Variants in CPQ observed in about 807,000 individuals in gnomAD.
CPQ encodes Ser-Met dipeptidase.
CPQ carries 37 observed loss-of-function variants against 45.7 expected under a neutral mutation model. The ratio of observed to expected loss-of-function variants is 0.81; its 90% confidence interval spans 0.62 to 1.07. CPQ has a LOEUF of 1.07. Ranked by LOEUF, CPQ falls within the 50% of genes least tolerant of loss-of-function variation. The pLI, the probability that CPQ is intolerant of heterozygous loss-of-function variation, is 0.00. For missense variants in CPQ, 537 were observed against 572.9 expected (o/e 0.94, Z 0.64); for synonymous variants, 186 against 205.8 (o/e 0.90, Z 0.82).
chr8:96,853,837 G>C (rs1159310226), intron 3 of CPQ, among the ~76,000 whole-genome samples: 1 of 152,064 alleles, frequency 6.6e-6, no homozygotes, highest in African/African-American at 2.4e-5. Context: ...CTGGTATTAG[G>C]ATTCCCATAG....
At position 96,880,576 on chromosome 8, in the gene CPQ, T is replaced by TATATATATATACATAC. The variant is rs1359946797; in HGVS notation, c.849+572_849+573insTATATATATACATACA. Among the ~76,000 whole-genome samples the TATATATATATACATAC allele has an allele frequency of 7.2e-5, 6 of 83,136 alleles. 1 individual carries two copies. The highest frequency in any genetic ancestry group is 1.2e-4 in the Non-Finnish European group (5 of 40,570). 54.5% of individuals were successfully genotyped at this position (83,136 alleles called of 152,430 possible). ...ATATATATATATATATATATATATA[T>TATATATATATACATAC]ACCATGGAATACTACCCAGCCATAG... On this transcript the variant is annotated intron_variant, in intron 4 of 7. Coordinates refer to ENST00000220763, the MANE Select transcript of CPQ (RefSeq NM_016134.4).
At chr8:96,682,196 C>T (rs1046829803) in intron 1 of CPQ, among the ~76,000 whole-genome samples, 6 of 152,114 alleles carry the variant, frequency 3.9e-5, no homozygotes, top group African/African-American at 7.2e-5. Flanking sequence ...TGGCTGTGTT[C>T]CCCACCCAAA....
intron 1 of CPQ, among the ~76,000 whole-genome samples, chr8:96,687,207 T>C (rs1184111806): frequency 1.3e-5 from 2 of 150,750 alleles, no homozygotes; most frequent in Non-Finnish European, 3.0e-5. Context: ...TCTTTTCTTT[T>C]TTTCTTTTTC....
At chr8:96,718,024 T>C (rs1809707228) in intron 1 of CPQ, among the ~76,000 whole-genome samples, 2 of 152,162 alleles carry the variant, frequency 1.3e-5, no homozygotes, top group Non-Finnish European at 2.9e-5. Flanking sequence ...GACTCAAAAC[T>C]TCCCCAGGCC....
chr8:96,992,643 G>A (rs1458217853), intron 5 of CPQ, among the ~76,000 whole-genome samples: 4 of 152,124 alleles, frequency 2.6e-5, no homozygotes, highest in Admixed American at 2.6e-4. Context: ...GAATCAGTCA[G>A]AAAATGTATG....
chr8:96,765,814 A>G lies in CPQ; in HGVS notation c.-34-19050A>G, dbSNP rs111725799. On this transcript the variant is annotated intron_variant, in intron 1 of 7. Transcript: ENST00000220763. ...TGGCCCCCCCATTCATCAAGCACAC[A>G]TAGGCCAGGCAATGCATTTAGCACT... is the stretch of plus-strand genomic sequence containing the variant. Among the ~76,000 whole-genome samples, 178 of 152,308 alleles carry G rather than the reference A, an allele frequency of 1.2e-3. 1 individual carries two copies. Among genetic ancestry groups the G allele is most frequent in the African/African-American group, 3.4e-3 (142 of 41,588 alleles).
At chr8:96,728,182 C>T (rs1809868383) in intron 1 of CPQ, among the ~76,000 whole-genome samples, 1 of 152,312 alleles carries the variant, frequency 6.6e-6, no homozygotes, top group East Asian at 1.9e-4. Context: ...CTTTCTCTCA[C>T]TGCTTGCCTT....
At chr8:97,080,790 A>C (rs1810933068) in intron 7 of CPQ, among the ~76,000 whole-genome samples, 1 of 152,174 alleles carries the variant, frequency 6.6e-6, no homozygotes, top group African/African-American at 2.4e-5. Context: ...TAATCTATAA[A>C]TCAAATATGG....
At chr8:97,130,629 A>C (rs1426888339) in intron 7 of CPQ, among the ~76,000 whole-genome samples, 1 of 152,114 alleles carries the variant, frequency 6.6e-6, no homozygotes, top group Non-Finnish European at 1.5e-5. Context: ...TTAAATGCTA[A>C]ATTTACCTCT....
intron 4 of CPQ, among the ~76,000 whole-genome samples, chr8:96,927,469 C>G (rs1426942272): frequency 6.6e-6 from 1 of 152,060 alleles, no homozygotes; most frequent in Non-Finnish European, 1.5e-5. Flanking sequence ...CATACCTTTC[C>G]AAGGCAAGGA....
At chr8:96,742,431 T>C (rs907531969) in intron 1 of CPQ, among the ~76,000 whole-genome samples, 21 of 152,330 alleles carry the variant, frequency 1.4e-4, no homozygotes, top group African/African-American at 3.4e-4. Flanking sequence ...CTTTATCCAA[T>C]TTGCCAGTCT....
At chr8:96,984,064 TCTC>T (rs1009014240) in intron 5 of CPQ, among the ~76,000 whole-genome samples, 4 of 152,138 alleles carry the variant, frequency 2.6e-5, no homozygotes, top group African/African-American at 7.2e-5. Flanking sequence ...TCTTACCCTC[TCTC>T]CTCATTTTCT....
rs1240647946 is a variant in CPQ, at chr8:97,123,163, A to AAAAT, written c.1256-19853_1256-19850dup. Among the ~76,000 whole-genome samples, 385 of 123,278 alleles carry AAAAT rather than the reference A, an allele frequency of 3.1e-3. 19 individuals carry two copies. The highest frequency in any genetic ancestry group is 0.011 in the African/African-American group (336 of 29,874). The allele number at this position is 123,278 out of a possible 152,430, so 80.9% of individuals were successfully genotyped here. ...TAAAATAAAATAAATAAAATAAAAT[A>AAAAT]AAATAAAATAAAATATAAAATAAAA... is the stretch of plus-strand genomic sequence containing the variant. On this transcript the variant is annotated intron_variant, in intron 7 of 7. Coordinates refer to ENST00000220763, the MANE Select transcript of CPQ (RefSeq NM_016134.4).
chr8:96,684,895 C>T (rs1392213228), intron 1 of CPQ, among the ~76,000 whole-genome samples: 4 of 151,348 alleles, frequency 2.6e-5, no homozygotes, highest in Admixed American at 1.3e-4. Flanking sequence ...GTCTGGAGTT[C>T]GAGACCAGCC....
At chr8:96,719,005 G>A (rs1394589497) in intron 1 of CPQ, among the ~76,000 whole-genome samples, 2 of 152,270 alleles carry the variant, frequency 1.3e-5, no homozygotes, top group Middle Eastern at 3.2e-3. Flanking sequence ...ACCAGACTCA[G>A]AAGCCCAGCT....
At chr8:96,858,254 C>T (rs1811877704) in intron 3 of CPQ, among the ~76,000 whole-genome samples, 1 of 152,180 alleles carries the variant, frequency 6.6e-6, no homozygotes, top group South Asian at 2.1e-4. Flanking sequence ...GATCCTTCTG[C>T]ACACTGTCCC....
intron 1 of CPQ, among the ~76,000 whole-genome samples, chr8:96,703,947 T>C (rs1809500750): frequency 6.6e-6 from 1 of 152,190 alleles, no homozygotes; most frequent in African/African-American, 2.4e-5. Flanking sequence ...GGTGATATAA[T>C]TTGGAATACA....
At chr8:97,110,075 A>G (rs906892621) in intron 7 of CPQ, among the ~76,000 whole-genome samples, 4 of 152,212 alleles carry the variant, frequency 2.6e-5, no homozygotes, top group Non-Finnish European at 5.9e-5. Context: ...ACCACCACCC[A>G]AATAAAGACA....
At chr8:97,066,518 C>G (rs908380120) in intron 7 of CPQ, among the ~76,000 whole-genome samples, 11 of 152,066 alleles carry the variant, frequency 7.2e-5, no homozygotes, top group Admixed American at 2.0e-4. Flanking sequence ...AAGGAGGTAT[C>G]TTTGGTGATT....
Sources: gnomAD v4.1 joint callset for allele counts (sites outside exome capture counted in the v4.1 genomes callset) on GRCh38, gnomAD v4.1.1 for gene constraint, MANE v1.5 for transcripts, NCBI Gene and HGNC (gene_info 2026-07-23, HGNC 2026-07-21) for gene names.